Variants in CFAP299 observed in about 807,000 individuals in gnomAD.
CFAP299 encodes the protein cilia- and flagella-associated protein 299.
In CFAP299, 21 loss-of-function variants were observed where a neutral mutation model predicts 27.0. The ratio of observed to expected loss-of-function variants is 0.78; its 90% CI spans 0.55 to 1.12. The LOEUF (loss-of-function observed/expected upper bound fraction) is 1.12. Among genes scored for constraint, CFAP299 ranks in the 50% most tolerant of loss-of-function variants. The pLI is 0.00. For missense variants in CFAP299, 310 were observed against 276.6 expected (o/e 1.12, Z -0.86); for synonymous variants, 104 against 98.1 (o/e 1.06, Z -0.36).
chr4:80,396,184 G>A (rs1417330655), intron 2 of CFAP299, among the ~76,000 whole-genome samples: 16 of 152,016 alleles, frequency 1.1e-4, no homozygotes, highest in Admixed American at 6.6e-4. Context: ...AAATATAACC[G>A]TGTATTTGGT....
intron 2 of CFAP299, among the ~76,000 whole-genome samples, chr4:80,390,898 TATGCATATATGTATATACACAC>T (rs1578390890): frequency 1.5e-5 from 2 of 129,514 alleles, no homozygotes; most frequent in Non-Finnish European, 3.3e-5. Flanking sequence ...TATACACACA[TATGCATATATGTATATACACAC>T]ATATGTATAT....
intron 3 of CFAP299, among the ~76,000 whole-genome samples, chr4:80,866,631 T>C (rs534560371): frequency 6.6e-6 from 1 of 152,196 alleles, no homozygotes; most frequent in Non-Finnish European, 1.5e-5. Flanking sequence ...TGAGAGTAGT[T>C]TGAGTGACTT....
chr4:80,675,231 G>A lies in CFAP299; in HGVS notation c.333+92048G>A, dbSNP rs946106280. On this transcript the variant is annotated intron_variant, in intron 3 of 5. Transcript: ENST00000358105. ...TGGTGTGGATGTCCTTTTTGTTGATGTTGCTGCTATTCCTTTCTGTTTGTT... is the reference window on the plus strand; with the variant it reads ...TGGTGTGGATGTCCTTTTTGTTGATATTGCTGCTATTCCTTTCTGTTTGTT... Among the ~76,000 whole-genome samples, 10 of 152,246 alleles carry A rather than the reference G, an allele frequency of 6.6e-5. 1 individual carries two copies. Among genetic ancestry groups the A allele is most frequent in the Admixed American group, 4.6e-4 (7 of 15,300 alleles).
At chr4:80,823,648 A>G (rs986856968) in intron 3 of CFAP299, among the ~76,000 whole-genome samples, 2 of 152,072 alleles carry the variant, frequency 1.3e-5, no homozygotes, top group Non-Finnish European at 2.9e-5. Flanking sequence ...TAATTCAACA[A>G]ATGCTAATTA....
At chr4:80,556,644 T>A (rs1734799253) in intron 2 of CFAP299, among the ~76,000 whole-genome samples, 1 of 152,056 alleles carries the variant, frequency 6.6e-6, no homozygotes, top group Admixed American at 6.6e-5. Context: ...AAGTTTAGTT[T>A]GAGGTCAAAA....
intron 1 of CFAP299, among the ~76,000 whole-genome samples, chr4:80,351,655 AT>A (rs1395583368): frequency 6.6e-6 from 1 of 151,950 alleles, no homozygotes; most frequent in Non-Finnish European, 1.5e-5. Flanking sequence ...AAACATTTCA[AT>A]TTAAAAGCAG....
At chr4:80,658,853 T>C (rs781349354) in intron 3 of CFAP299, among the ~76,000 whole-genome samples, 3 of 152,184 alleles carry the variant, frequency 2.0e-5, no homozygotes, top group Non-Finnish European at 2.9e-5. Context: ...AGATGGAAGC[T>C]GAATTCAAAA....
At chr4:80,745,004 A>C (rs1274273893) in intron 3 of CFAP299, among the ~76,000 whole-genome samples, 6 of 152,234 alleles carry the variant, frequency 3.9e-5, no homozygotes, top group Non-Finnish European at 5.9e-5. Flanking sequence ...CTCAAAAAAA[A>C]ATTTCTAATC....
chr4:80,350,926 G>A (rs755069025), intron 1 of CFAP299, among the ~76,000 whole-genome samples: 1 of 152,024 alleles, frequency 6.6e-6, no homozygotes, highest in Non-Finnish European at 1.5e-5. Flanking sequence ...TTCTGCACAT[G>A]TATCCCAGAA....
intron 2 of CFAP299, among the ~76,000 whole-genome samples, chr4:80,401,568 G>A (rs1030458509): frequency 1.3e-5 from 2 of 152,192 alleles, no homozygotes; most frequent in South Asian, 2.1e-4. Context: ...GAACCTCCAC[G>A]TGGATTTCAG....
chr4:80,432,416 G>T (rs1727862948), intron 2 of CFAP299, among the ~76,000 whole-genome samples: 1 of 152,088 alleles, frequency 6.6e-6, no homozygotes, highest in Non-Finnish European at 1.5e-5. Context: ...CTCCCAAAGT[G>T]CTAGGATTAC....
chr4:80,499,694 T>C (rs1296478157), intron 2 of CFAP299, among the ~76,000 whole-genome samples: 2 of 152,120 alleles, frequency 1.3e-5, no homozygotes, highest in African/African-American at 4.8e-5. Flanking sequence ...TAATTTTAGA[T>C]GGGTGGGTGC....
chr4:80,952,025 C>T (rs750082118), intron 5 of CFAP299, among the ~76,000 whole-genome samples: 5 of 152,124 alleles, frequency 3.3e-5, no homozygotes, highest in Non-Finnish European at 7.4e-5. Flanking sequence ...GGAGGTTTTA[C>T]GCATTCTTTG....
chr4:80,658,139 G>A (rs1015685743), intron 3 of CFAP299, among the ~76,000 whole-genome samples: 2 of 152,078 alleles, frequency 1.3e-5, no homozygotes, highest in African/African-American at 2.4e-5. Flanking sequence ...GGGCTGAGAC[G>A]ATGGGGTTTT....
intron 2 of CFAP299, among the ~76,000 whole-genome samples, chr4:80,390,730 T>TATATGTATATATACACAC (rs1725359142): frequency 2.1e-5 from 3 of 142,934 alleles, no homozygotes; most frequent in Non-Finnish European, 3.0e-5. Context: ...CATACATGTA[T>TATATGTATATATACACAC]ATATGTATAT....
chr4:80,541,899 G>A (rs750370472), intron 2 of CFAP299, among the ~76,000 whole-genome samples: 111 of 151,808 alleles, frequency 7.3e-4, no homozygotes, highest in Non-Finnish European at 1.2e-3. Flanking sequence ...TTATTGAGCC[G>A]TTACCGTGCA....
At chr4:80,752,838 G>A (rs7677810) in intron 3 of CFAP299, among the ~76,000 whole-genome samples, 28,790 of 151,454 alleles carry the variant, frequency 0.19, 4,842 homozygotes, top group African/African-American at 0.45. Context: ...TATAATATAT[G>A]TCATTACGTT....
chr4:80,799,391 ATATT>A (rs1421893005), intron 3 of CFAP299, among the ~76,000 whole-genome samples: 1 of 92,100 alleles, frequency 1.1e-5, no homozygotes, highest in African/African-American at 4.6e-5. Context: ...TATTTATATA[ATATT>A]TATATATATT....
At position 80,727,983 on chromosome 4, in the gene CFAP299, G is replaced by A. The variant is rs9784396; in HGVS notation, c.334-142010G>A. ...AATTGAGATTCAAATTATTTGTTTT[G>A]CAGTGAAAGAATATCTCATTTCAAC... On this transcript the variant is annotated intron_variant, in intron 3 of 5. Coordinates refer to ENST00000358105, the MANE Select transcript of CFAP299 (RefSeq NM_152770.3). 9.0e-3 allele frequency among the ~76,000 whole-genome samples: 1,373 copies of A among 151,854 alleles called. 21 individuals carry two copies. The highest frequency in any genetic ancestry group is 0.03 in the African/African-American group (1,262 of 41,482).
Sources: allele counts gnomAD v4.1 joint callset (sites outside exome capture counted in the v4.1 genomes callset), GRCh38; gene constraint gnomAD v4.1.1; transcripts MANE v1.5; gene names NCBI Gene and HGNC (gene_info 2026-07-23, HGNC 2026-07-21).